Variants in ZBBX observed in about 807,000 individuals in gnomAD.
The protein encoded by ZBBX is zinc finger B-box domain containing, also known as zinc finger B-box domain-containing protein 1.
In ZBBX, 101 loss-of-function variants were observed where a neutral mutation model predicts 108.5. The observed-to-expected ratio is 0.93, with a 90% CI of 0.79 to 1.10. The LOEUF (loss-of-function observed/expected upper bound fraction) is 1.10. ZBBX is among the 50% of genes least tolerant of loss of function. The pLI is 0.00. For synonymous variants in ZBBX, 356 were observed against 323.4 expected, an observed-to-expected ratio of 1.10 and a Z score of -1.08; for missense variants, 1,009 against 941.4, an observed-to-expected ratio of 1.07 and a Z score of -0.94.
At chr3:167,334,574 G>GAAAAAAGA (rs1463779762) in intron 9 of ZBBX, among the ~76,000 whole-genome samples, 1 of 151,524 alleles carries the variant, frequency 6.6e-6, no homozygotes, top group Non-Finnish European at 1.5e-5. Flanking sequence ...ACTCCATCTC[G>GAAAAAAGA]AAAAAAGAAA....
intron 20 of ZBBX, among the ~76,000 whole-genome samples, chr3:167,248,064 T>G (rs1274596003): frequency 1.3e-5 from 2 of 152,182 alleles, no homozygotes; most frequent in Non-Finnish European, 2.9e-5. Context: ...CCATCAAAGG[T>G]GCAAATCAGA....
At chr3:167,277,568 AC>A (rs1264079999) in intron 20 of ZBBX, among the ~76,000 whole-genome samples, 4 of 152,186 alleles carry the variant, frequency 2.6e-5, no homozygotes, top group Admixed American at 2.6e-4. Flanking sequence ...ATATATATGC[AC>A]CCAATACAGG....
intron 1 of ZBBX, among the ~76,000 whole-genome samples, chr3:167,399,155 T>C (rs1456188851): frequency 6.6e-6 from 1 of 152,060 alleles, no homozygotes; most frequent in African/African-American, 2.4e-5. Context: ...TACTCACTCA[T>C]GCACTCACTC....
intron 1 of ZBBX, among the ~76,000 whole-genome samples, chr3:167,385,516 G>A (rs919359079): frequency 1.3e-5 from 2 of 151,648 alleles, no homozygotes; most frequent in Non-Finnish European, 2.9e-5. Flanking sequence ...ATATAAATTA[G>A]CCTTACCTTC....
chr3:167,197,355 G>A, the ZBBX span, among the ~76,000 whole-genome samples: 4 of 152,182 alleles, frequency 2.6e-5, no homozygotes, highest in Non-Finnish European at 4.4e-5. Context: ...TGGCTAACAC[G>A]GTGAAACCCC....
At chr3:167,298,245 T>C (rs908905783) in intron 18 of ZBBX, 60 bp downstream of exon 18, 9 of 1,331,018 alleles carry the variant, frequency 6.8e-6, no homozygotes, top group Non-Finnish European at 9.1e-6. Flanking sequence ...TTGAACAGAA[T>C]TGCTCAGTAT....
At chr3:167,356,761 C>A (rs1416826020) in intron 8 of ZBBX, among the ~76,000 whole-genome samples, 1 of 152,124 alleles carries the variant, frequency 6.6e-6, no homozygotes, top group African/African-American at 2.4e-5. Context: ...CACTCCTACC[C>A]TCATGAAGTT....
the ZBBX span, among the ~76,000 whole-genome samples, chr3:167,201,489 C>T: frequency 3.3e-5 from 5 of 152,052 alleles, no homozygotes; most frequent in Admixed American, 3.3e-4. Flanking sequence ...TATGTAAATG[C>T]CCCATTACTG....
intron 10 of ZBBX, among the ~76,000 whole-genome samples, chr3:167,332,264 G>T (rs139605399): frequency 1.6e-4 from 22 of 141,604 alleles, no homozygotes; most frequent in African/African-American, 5.8e-4. Flanking sequence ...AATCACTGAG[G>T]AGTTAAACAC....
chr3:167,243,560 G>A (rs1243806862), intron 20 of ZBBX, among the ~76,000 whole-genome samples: 1 of 151,872 alleles, frequency 6.6e-6, no homozygotes. Context: ...CACCACACCC[G>A]GCTAATTTTG....
At position 167,397,142 on chromosome 3, in the gene ZBBX, T is replaced by TAAAAAAAAAAAAAAAAA. The variant is rs61671930; in HGVS notation, c.-446+10567_-446+10583dup. ...GTCGTGAAGAAGAGGTTCTTGGTGGTAAAAAAAAAAAAAAAAAAAAAAAAT... is the reference window on the plus strand; with the variant it reads ...GTCGTGAAGAAGAGGTTCTTGGTGGTAAAAAAAAAAAAAAAAAAAAAAAAAAAAAAAAAAAAAAAAAT... On this transcript the variant is annotated intron_variant, in intron 1 of 21. Transcript: ENST00000455345. Among the ~76,000 whole-genome samples the TAAAAAAAAAAAAAAAAA allele has an allele frequency of 1.9e-4, 14 of 72,410 alleles. 1 individual carries two copies. The highest frequency in any genetic ancestry group is 5.4e-4 in the South Asian group (1 of 1,848). 47.5% of individuals were successfully genotyped at this position (72,410 alleles called of 152,430 possible). A position where few individuals can be genotyped will look rare whatever the true frequency, so the allele number is the denominator to read the frequency against.
intron 5 of ZBBX, among the ~76,000 whole-genome samples, chr3:167,367,525 G>C (rs1745499757): frequency 6.6e-6 from 1 of 150,830 alleles, no homozygotes; most frequent in Non-Finnish European, 1.5e-5. Flanking sequence ...GGAGCATTAA[G>C]ATATATTAAG....
intron 18 of ZBBX, among the ~76,000 whole-genome samples, chr3:167,297,783 A>T (rs917318980): frequency 6.6e-6 from 1 of 152,024 alleles, no homozygotes; most frequent in South Asian, 2.1e-4. Context: ...ACATGAAAAG[A>T]TGCTTAACAT....
intron 20 of ZBBX, among the ~76,000 whole-genome samples, chr3:167,261,289 T>C: frequency 6.6e-6 from 1 of 152,116 alleles, no homozygotes; most frequent in Non-Finnish European, 1.5e-5. Flanking sequence ...TAATGCTCTA[T>C]TTTTGTACTG....
At chr3:167,406,844 G>T (rs1358596692) in intron 1 of ZBBX, among the ~76,000 whole-genome samples, 7 of 152,136 alleles carry the variant, frequency 4.6e-5, no homozygotes, top group African/African-American at 1.7e-4. Flanking sequence ...GAAAATGGGG[G>T]AAGAAATGGA....
the ZBBX span, among the ~76,000 whole-genome samples, chr3:167,206,366 T>C: frequency 6.6e-6 from 1 of 152,116 alleles, no homozygotes. Flanking sequence ...ATACATACTA[T>C]AATTTATTTA....
Position 167,328,083 on chromosome 3 carries a change from T to C in ZBBX, c.721A>G (p.Thr241Ala). 1.2e-6 allele frequency: 2 copies of C among 1,613,780 alleles called. No individual in the cohort carries two copies. The highest frequency in any genetic ancestry group is 2.2e-5 in the South Asian group (2 of 91,004). Residue 241 changes from threonine to alanine, a missense_variant, in exon 11 of 22, where the codon ACA (threonine) becomes GCA (alanine). Physicochemically the swap from Thr to Ala is moderately conservative, Grantham distance 58. Transcript: ENST00000675490. ...CACAACAGACTCTTTCTTGGTTTTG[T>C]ACGTTGTGCTCTTTTCATCGTTGTA... Reference protein sequence around the residue: ...EITTMKRAQRTKPRKSLLCEG... With the variant: ...EITTMKRAQRAKPRKSLLCEG...
At chr3:167,205,949 T>C in the ZBBX span, among the ~76,000 whole-genome samples, 1 of 152,116 alleles carries the variant, frequency 6.6e-6, no homozygotes, top group Non-Finnish European at 1.5e-5. Flanking sequence ...TACAGCAAAA[T>C]GAATACTTAA....
At chr3:167,384,888 A>T (rs1225753530), upstream of ZBBX, among the ~76,000 whole-genome samples, 1 of 152,056 alleles carries the variant, frequency 6.6e-6, no homozygotes, top group Non-Finnish European at 1.5e-5. Context: ...AAGAACTAGC[A>T]CTGGTCATTG....
Sources: allele counts gnomAD v4.1 joint callset (sites outside exome capture counted in the v4.1 genomes callset), GRCh38; gene constraint gnomAD v4.1.1; transcripts MANE v1.5; gene names NCBI Gene and HGNC (gene_info 2026-07-23, HGNC 2026-07-21).